The following DNAH10 variants were observed in gnomAD, a reference collection of about 807,000 sequenced individuals.
DNAH10 encodes axonemal beta dynein heavy chain 10.
In DNAH10, 348 loss-of-function variants were observed where a neutral mutation model predicts 506.6. That is an observed-to-expected ratio of 0.69 (90% CI 0.63 to 0.75). The LOEUF (loss-of-function observed/expected upper bound fraction) is 0.75. Among genes scored for constraint, DNAH10 ranks in the 30% least tolerant of loss-of-function variants. DNAH10 has a pLI of 0.00. For missense variants in DNAH10, 5,179 were observed against 5,787.1 expected, an observed-to-expected ratio of 0.89 and a Z score of 3.41; for synonymous variants, 2,059 against 2,198.6, an observed-to-expected ratio of 0.94 and a Z score of 1.78.
At chr12:123,886,108 T>G (rs1390299270) in intron 51 of DNAH10, among the ~76,000 whole-genome samples, 1 of 152,234 alleles carries the variant, frequency 6.6e-6, no homozygotes, top group African/African-American at 2.4e-5. Flanking sequence ...CTGTTTGCAA[T>G]TGTTTTCCAC....
Position 123,930,395 on chromosome 12 carries a change from A to G in DNAH10, c.12613-7A>G. On this transcript the variant is annotated splice_polypyrimidine_tract_variant and splice_region_variant and intron_variant, in intron 72 of 78. Transcript: ENST00000673944. The stretch of plus-strand genomic sequence containing the variant: ...TCCTGGCTGGCTCTCAGGCCCTCTA[A>G]TTTCAGGTCATGTATGGAGGACGGG... 1 of 1,545,850 alleles carries G rather than the reference A, an allele frequency of 6.5e-7. No individual in the cohort carries two copies. The highest frequency in any genetic ancestry group is 1.3e-5 in the South Asian group (1 of 79,270).
intron 40 of DNAH10, among the ~76,000 whole-genome samples, 171 bp from the exon 41 acceptor site, chr12:123,865,777 ATCT>A (rs1388976139): frequency 6.6e-6 from 1 of 152,180 alleles, no homozygotes; most frequent in Admixed American, 6.5e-5. Flanking sequence ...GAAGTGTGTA[ATCT>A]TCTCATCAAA....
At chr12:123,772,794 G>T (rs761652224) in intron 3 of DNAH10, 40 bp from the exon 4 acceptor site, 15 of 1,443,952 alleles carry the variant, frequency 1.0e-5, no homozygotes, top group Non-Finnish European at 1.3e-5. Flanking sequence ...GTGAATGGAT[G>T]TATCACAAGA....
chr12:123,929,911 G>T, intron 72 of DNAH10, 152 bp downstream of exon 72: 1 of 683,558 alleles, frequency 1.5e-6, no homozygotes. Context: ...CTCTCACCTG[G>T]TTGTTCTTTG....
Position 123,903,045 on chromosome 12 carries a change from C to T in DNAH10, c.9747C>T (p.Val3249=). 1.2e-6 allele frequency: 2 copies of T among 1,610,354 alleles called. No individual in the cohort carries two copies. Among genetic ancestry groups the T allele is most frequent in the Non-Finnish European group, 1.7e-6 (2 of 1,178,332 alleles). Residue 3249 remains valine, a synonymous_variant, in exon 57 of 79, where the codon GTC becomes GTT. Transcript: ENST00000673944. The surrounding 1 kb of genome is among the most constrained non-coding windows in gnomAD (Gnocchi z 4.6). The part of the protein sequence containing the change: ...KAEAETTLAE[V]MPILEAAKLE... The stretch of plus-strand genomic sequence containing the variant: ...AGGCCGAGACGACCCTGGCAGAGGT[C>T]ATGCCCATCCTGGAGGCCGCCAAGC...
rs750550022 is a variant in DNAH10, at chr12:123,785,809, C to T, written c.1294C>T (p.Leu432=). ...CACCATCCCCGCCATGATGAGTGCC[C>T]TGCGGATGGTGTGGATCATCTCCCG... is the stretch of plus-strand genomic sequence containing the variant. ...LDTIPAMMSA[L]RMVWIISRHY... is the part of the protein sequence containing the mutation. Residue 432 remains leucine, a synonymous_variant, in exon 9 of 79, where the codon CTG becomes TTG. Transcript: ENST00000673944. This position sits in a 1 kb window ranked among gnomAD's most constrained non-coding sequence, Gnocchi z 4.1. 1.9e-5 allele frequency: 31 copies of T among 1,613,980 alleles called. No individual in the cohort carries two copies. The highest frequency in any genetic ancestry group is 2.4e-5 in the Non-Finnish European group (28 of 1,180,028).
At chr12:123,912,795 C>T (rs924694552) in intron 59 of DNAH10, among the ~76,000 whole-genome samples, 1 of 152,198 alleles carries the variant, frequency 6.6e-6, no homozygotes, top group Non-Finnish European at 1.5e-5. Context: ...CTGTTACTGT[C>T]TATGGTATAT....
Position 123,931,670 on chromosome 12 carries a change from T to C in DNAH10, c.12951T>C (p.Tyr4317=). 3.7e-6 allele frequency: 6 copies of C among 1,614,040 alleles called. No homozygotes were observed. Among genetic ancestry groups the C allele is most frequent in the Middle Eastern group, 1.6e-4 (1 of 6,062 alleles). ...GCAGTGGTATCAGCCGCGATGATTA[T>C]ATTGGCCAAGTGGCCAAAGAAATAG... ...ESSSGISRDD[Y]IGQVAKEIEN... The change falls in exon 75 of 79, where the codon TAT becomes TAC. Residue 4317 remains tyrosine (Y), a synonymous_variant. Coordinates refer to ENST00000673944, the MANE Select transcript of DNAH10 (RefSeq NM_001372106.1).
At position 123,762,760 on chromosome 12, in the gene DNAH10, A is replaced by G. The variant is rs1306084537; in HGVS notation, c.214+210A>G. Among the ~76,000 whole-genome samples the G allele has an allele frequency of 7.9e-5, 12 of 152,234 alleles. No homozygotes were observed. Among genetic ancestry groups the G allele is most frequent in the African/African-American group, 1.7e-4 (7 of 41,474 alleles). The stretch of plus-strand genomic sequence containing the variant: ...CTCCTGGGCCCACAGCCCACTTGAA[A>G]GTCAGGCCTTGATTGAAAAATCACA... On this transcript the variant is annotated intron_variant, in intron 1 of 78. Transcript: ENST00000673944. The surrounding 1 kb of genome is among the most constrained non-coding windows in gnomAD (Gnocchi z 5.0).
At chr12:123,879,499 T>A (rs1225470381) in intron 49 of DNAH10, 135 bp from the exon 50 acceptor site, 1 of 1,467,376 alleles carries the variant, frequency 6.8e-7, no homozygotes, top group African/African-American at 1.4e-5. Flanking sequence ...GGTGGGTTAT[T>A]AAGCGTCTTG....
chr12:123,930,834 C>T (rs768916275), intron 73 of DNAH10, among the ~76,000 whole-genome samples: 24 of 152,036 alleles, frequency 1.6e-4, no homozygotes, highest in Non-Finnish European at 2.9e-4. Context: ...GAGCCATTTT[C>T]GTAAAAGATG....
rs1176903911 is a variant in DNAH10, at chr12:123,910,618, A to G, written c.10080A>G (p.Glu3360=). 2 of 1,612,376 alleles carry G rather than the reference A, an allele frequency of 1.2e-6. No individual in the cohort carries two copies. The highest frequency in any genetic ancestry group is 1.1e-5 in the South Asian group (1 of 91,080). Residue 3360 remains glutamate, a synonymous_variant, in exon 59 of 79, where the codon GAA becomes GAG. Coordinates refer to ENST00000673944, the MANE Select transcript of DNAH10 (RefSeq NM_001372106.1). ...GGCTGGGGATGCTGAAATTTGTTGA[A>G]GCTGTAATGGGCTACTGTGATGTTT... ...KAGLGMLKFV[E]AVMGYCDVFR...
In DNAH10 at chr12:123,924,152, C is replaced by T. The variant is rs1354953055; in HGVS notation, c.11612-126C>T. The T allele has an allele frequency of 4.6e-6, 6 of 1,308,384 alleles. No individual in the cohort carries two copies. In the Admixed American group the frequency reaches 1.4e-4, roughly 30 times the overall value. The allele number at this position is 1,308,384 out of a possible 1,614,324, so 81.0% of individuals were successfully genotyped here. A position where few individuals can be genotyped will look rare whatever the true frequency, so the allele number is the denominator to read the frequency against. ...GGCGGTGACGAGGGCAAGCCTGGGC[C>T]ACTTCCTGTTTCCAGTCTCCTTCTT... On this transcript the variant is annotated intron_variant, in intron 66 of 78. Transcript: ENST00000673944.
chr12:123,922,680 C>A (rs1161941944), intron 65 of DNAH10, among the ~76,000 whole-genome samples: 1 of 152,124 alleles, frequency 6.6e-6, no homozygotes, highest in Non-Finnish European at 1.5e-5. Context: ...TTTCGTTTCT[C>A]CTTAGGATGC....
Position 123,853,327 on chromosome 12 carries a change from A to G in DNAH10, c.6413A>G (p.Lys2138Arg). The change falls in exon 36 of 79, where the codon AAG (lysine) becomes AGG (arginine). Residue 2138 changes from lysine to arginine, a missense_variant. Around this residue, in one of 3 missense-constraint regions of DNAH10, gnomAD observed 4,844 missense variants for 5,430.5 expected, o/e 0.89. Transcript: ENST00000673944. The surrounding 1 kb of genome is among the most constrained non-coding windows in gnomAD (Gnocchi z 4.7). The stretch of plus-strand genomic sequence containing the variant: ...GTGCTGGTCATGGCTGGTGAGCTGA[A>G]GAGAGGCTCCTCTGACCTTAGGGAG... ...KSVLVMAGEL[K>R]RGSSDLREDV... The G allele has an allele frequency of 1.2e-6, 2 of 1,612,404 alleles. No homozygotes were observed. Among genetic ancestry groups the G allele is most frequent in the Non-Finnish European group, 1.7e-6 (2 of 1,179,254 alleles).
rs910719275 is a variant in DNAH10 at position 123,935,344 on chromosome 12, C to T, written c.13633C>T (p.Arg4545Trp). Residue 4545 changes from arginine to tryptophan, a missense_variant, in exon 79 of 79, where the codon CGG becomes TGG. This residue lies in a region of DNAH10 where 4,844 missense variants were observed against 5,430.5 expected (regional missense o/e 0.89). Transcript: ENST00000673944. ...AHRLKLQNTF[R>W]TPVYTTSMRR... ...TGCCTTTCCCTTGCAGAATACTTTC[C>T]GGACCCCCGTCTACACCACCTCCAT... 18 of 1,602,526 alleles carry T rather than the reference C, an allele frequency of 1.1e-5. No individual in the cohort carries two copies. The highest frequency in any genetic ancestry group is 2.2e-5 in the East Asian group (1 of 44,502).
rs1953147874 is a variant in DNAH10, at chr12:123,894,820, A to G, written c.9280+97A>G. ...GAATTCTGGTCTTGTAGATTTCTTC[A>G]CTGGAAAACCCTATGGTAACAAATG... is the stretch of plus-strand genomic sequence containing the variant. On this transcript the variant is annotated intron_variant, in intron 54 of 78. Coordinates refer to ENST00000673944, the MANE Select transcript of DNAH10 (RefSeq NM_001372106.1). The G allele has an allele frequency of 4.5e-6, 5 of 1,119,744 alleles. No homozygotes were observed. In the South Asian group the frequency reaches 5.4e-5, roughly 12 times the overall value. The allele number at this position is 1,119,744 out of a possible 1,614,324, so 69.4% of individuals were successfully genotyped here. A position where few individuals can be genotyped will look rare whatever the true frequency, so the allele number is the denominator to read the frequency against.
rs757322580 is a variant in DNAH10 at position 123,845,739 on chromosome 12, C to T, written c.5500C>T (p.His1834Tyr). 5 of 1,613,968 alleles carry T rather than the reference C, an allele frequency of 3.1e-6. No individual in the cohort carries two copies. In the South Asian group the frequency reaches 4.4e-5, roughly 14 times the overall value. Residue 1834 changes from histidine to tyrosine, a missense_variant, in exon 31 of 79, where the codon CAC becomes TAC. His to Tyr is a moderately conservative substitution (Grantham distance 83). This residue lies in a region of DNAH10 where 4,844 missense variants were observed against 5,430.5 expected (regional missense o/e 0.89). Coordinates refer to ENST00000673944, the MANE Select transcript of DNAH10 (RefSeq NM_001372106.1). ...CATGAAGAACTATGGCAGGAAAATG[C>T]ACCGGCAGATCGATGAGTTGGTAAC... is the stretch of plus-strand genomic sequence containing the variant. ...QAMKNYGRKM[H>Y]RQIDELVTRI...
In DNAH10 at chr12:123,913,069, C is replaced by G. The variant is rs1232266692; in HGVS notation, c.10135-29C>G. On this transcript the variant is annotated intron_variant, in intron 59 of 78. Coordinates refer to ENST00000673944, the MANE Select transcript of DNAH10 (RefSeq NM_001372106.1). The surrounding 1 kb of genome is among the most constrained non-coding windows in gnomAD (Gnocchi z 5.1). ...CGCGGCCCCACCACGGTCCTTTTCC[C>G]CATCTTTTTGCAAATTGTCTTCACT... The G allele has an allele frequency of 6.3e-7, 1 of 1,583,278 alleles. No individual in the cohort carries two copies. The highest frequency in any genetic ancestry group is 1.8e-5 in the Admixed American group (1 of 55,512).
Sources: gnomAD v4.1 joint callset for allele counts (sites outside exome capture counted in the v4.1 genomes callset) on GRCh38, gnomAD v4.1.1 for gene constraint, gnomAD v4.1.1 regional missense constraint, Gnocchi (gnomAD v3.1) non-coding constraint, MANE v1.5 for transcripts, NCBI Gene and HGNC (gene_info 2026-07-23, HGNC 2026-07-21) for gene names.